TMEM170B: variants seen among roughly 807,000 people sequenced by gnomAD.
The protein encoded by TMEM170B is transmembrane protein 170B.
In TMEM170B, 6 loss-of-function variants were observed where a neutral mutation model predicts 13.0. The observed-to-expected ratio is 0.46, with a 90% CI of 0.25 to 0.91. The LOEUF (loss-of-function observed/expected upper bound fraction) is 0.91, where lower values mean the gene tolerates loss of function less well. Among genes scored for constraint, TMEM170B ranks in the 40% least tolerant of loss-of-function variants. The pLI, the probability that TMEM170B is intolerant of heterozygous loss-of-function variation, is 0.17. For missense variants in TMEM170B, 138 were observed against 165.2 expected, an observed-to-expected ratio of 0.84 and a Z score of 0.90; for synonymous variants, 61 against 64.9, an observed-to-expected ratio of 0.94 and a Z score of 0.29.
At chr6:11,571,327 A>G (rs1759798850) in intron 2 of TMEM170B, among the ~76,000 whole-genome samples, 1 of 152,142 alleles carries the variant, frequency 6.6e-6, no homozygotes, top group Non-Finnish European at 1.5e-5. Flanking sequence ...CTAGGACCAC[A>G]GGCTATCATT....
intron 1 of TMEM170B, among the ~76,000 whole-genome samples, chr6:11,559,152 CAT>C (rs1224843394): frequency 1.3e-4 from 19 of 151,522 alleles, no homozygotes; most frequent in African/African-American, 4.6e-4. Flanking sequence ...ATGATTTTTA[CAT>C]GTCACAAATT....
chr6:11,559,877 C>G (rs912563286), intron 1 of TMEM170B, among the ~76,000 whole-genome samples: 1 of 151,716 alleles, frequency 6.6e-6, no homozygotes, highest in Non-Finnish European at 1.5e-5. Context: ...AGCTTGATTT[C>G]TAGAATGTTT....
chr6:11,569,232 T>G (rs981461543), intron 2 of TMEM170B, among the ~76,000 whole-genome samples: 1 of 152,154 alleles, frequency 6.6e-6, no homozygotes, highest in African/African-American at 2.4e-5. Flanking sequence ...TTGCAAATAA[T>G]TTATCTCAGT....
chr6:11,559,721 T>G (rs751003200), intron 1 of TMEM170B, among the ~76,000 whole-genome samples: 3 of 152,174 alleles, frequency 2.0e-5, no homozygotes, highest in African/African-American at 7.2e-5. Flanking sequence ...GTTCTACACT[T>G]CAGATTTGTT....
At chr6:11,557,650 G>C (rs551991205) in intron 1 of TMEM170B, among the ~76,000 whole-genome samples, 1 of 152,062 alleles carries the variant, frequency 6.6e-6, no homozygotes, top group Non-Finnish European at 1.5e-5. Flanking sequence ...CTTCTCACCA[G>C]TGTTTGAACA....
intron 1 of TMEM170B, among the ~76,000 whole-genome samples, chr6:11,546,601 T>C (rs1313803807): frequency 2.6e-5 from 4 of 152,186 alleles, no homozygotes; most frequent in Admixed American, 2.0e-4. Context: ...ATTCATTTTT[T>C]AATCTTTTAT....
rs1172178696 is a variant in TMEM170B at position 11,577,084 on chromosome 6, T to C, written c.*1523T>C. On this transcript the variant is annotated 3_prime_UTR_variant, in exon 3 of 3. Coordinates refer to ENST00000379426, the MANE Select transcript of TMEM170B (RefSeq NM_001100829.3). ...GGTAGCCTTGCTGTTTAATCCAATTTGCTATAAAAGTAGGCCTTTGTTATA... is the reference window on the plus strand; with the variant it reads ...GGTAGCCTTGCTGTTTAATCCAATTCGCTATAAAAGTAGGCCTTTGTTATA... The C allele has an allele frequency of 6.6e-6, 1 of 152,146 alleles. No homozygotes were observed. The highest frequency in any genetic ancestry group is 2.4e-5 in the African/African-American group (1 of 41,458). 9.4% of individuals were successfully genotyped at this position (152,146 alleles called of 1,614,324 possible). A position where few individuals can be genotyped will look rare whatever the true frequency, so the allele number is the denominator to read the frequency against.
chr6:11,552,206 T>C (rs1054608282), intron 1 of TMEM170B, among the ~76,000 whole-genome samples: 6 of 152,236 alleles, frequency 3.9e-5, no homozygotes, highest in Admixed American at 3.9e-4. Flanking sequence ...AATTTATAGC[T>C]ATCTTAACGA....
intron 1 of TMEM170B, among the ~76,000 whole-genome samples, chr6:11,561,585 C>G (rs1759666062): frequency 6.6e-6 from 1 of 152,036 alleles, no homozygotes; most frequent in Admixed American, 6.5e-5. Context: ...TCTTTAGGGT[C>G]CCTGTTCACT....
In TMEM170B at chr6:11,578,055, T is replaced by C. The variant is rs1270719297; in HGVS notation, c.*2494T>C. ...ACGTATATATCATTATATAGGTATA[T>C]AGAGAGCTGCTATATATGAATACAG... On this transcript the variant is annotated 3_prime_UTR_variant, in exon 3 of 3. Coordinates refer to ENST00000379426, the MANE Select transcript of TMEM170B (RefSeq NM_001100829.3). 2.0e-5 allele frequency: 3 copies of C among 152,162 alleles called. No homozygotes were observed. The highest frequency in any genetic ancestry group is 4.4e-5 in the Non-Finnish European group (3 of 67,984). The allele number at this position is 152,162 out of a possible 1,614,324, so 9.4% of individuals were successfully genotyped here.
rs1386762219 is a variant in TMEM170B, at chr6:11,576,168, G to A, written c.*607G>A. The A allele has an allele frequency of 2.0e-5, 3 of 152,196 alleles. No homozygotes were observed. Among genetic ancestry groups the A allele is most frequent in the Admixed American group, 2.0e-4 (3 of 15,250 alleles). The allele number at this position is 152,196 out of a possible 1,614,324, so 9.4% of individuals were successfully genotyped here. On this transcript the variant is annotated 3_prime_UTR_variant, in exon 3 of 3. Coordinates refer to ENST00000379426, the MANE Select transcript of TMEM170B (RefSeq NM_001100829.3). Reference sequence around the variant, plus strand: ...GTATTATTGTTATTTAATTGATGTGGAAGATAAGTCTTCTTAACTGAAGAC... The same window carrying A: ...GTATTATTGTTATTTAATTGATGTGAAAGATAAGTCTTCTTAACTGAAGAC...
rs1431586463 is a variant in TMEM170B, at chr6:11,575,686, G to A, written c.*125G>A. 5.0e-6 allele frequency: 6 copies of A among 1,200,078 alleles called. No individual in the cohort carries two copies. The highest frequency in any genetic ancestry group is 7.1e-6 in the Non-Finnish European group (6 of 843,568). The allele number at this position is 1,200,078 out of a possible 1,614,324, so 74.3% of individuals were successfully genotyped here. A position where few individuals can be genotyped will look rare whatever the true frequency, so the allele number is the denominator to read the frequency against. The stretch of plus-strand genomic sequence containing the variant: ...TGGACTGAGCAGGTCAAAGCATAAG[G>A]AAGACCTTGAGCTGTGTGGAAGGAT... On this transcript the variant is annotated 3_prime_UTR_variant, in exon 3 of 3. Coordinates refer to ENST00000379426, the MANE Select transcript of TMEM170B (RefSeq NM_001100829.3). The surrounding 1 kb of genome is among the most constrained non-coding windows in gnomAD (Gnocchi z 4.1).
At chr6:11,567,463 TC>T (rs879804764) in intron 2 of TMEM170B, among the ~76,000 whole-genome samples, 9 of 152,166 alleles carry the variant, frequency 5.9e-5, no homozygotes, top group Non-Finnish European at 1.2e-4. Flanking sequence ...TGCAAGGGAT[TC>T]CCTTCTTTAC....
At position 11,545,737 on chromosome 6, in the gene TMEM170B, T is replaced by TA. The variant is rs60136980; in HGVS notation, c.97+7373dup. On this transcript the variant is annotated intron_variant, in intron 1 of 2. Coordinates refer to ENST00000379426, the MANE Select transcript of TMEM170B (RefSeq NM_001100829.3). ...ATTTTAGAATGTACCCCTACTTGTT[T>TA]AAAAAAAAAAGCTGAATCCCAGCAC... 1.0e-2 allele frequency among the ~76,000 whole-genome samples: 1,473 copies of TA among 147,362 alleles called. 11 individuals carry two copies. Among genetic ancestry groups the TA allele is most frequent in the Middle Eastern group, 0.024 (7 of 288 alleles).
rs1222024504 is a variant in TMEM170B, at chr6:11,545,278, C to CTGTG, written c.97+6905_97+6906insGTGT. On this transcript the variant is annotated intron_variant, in intron 1 of 2. Transcript: ENST00000379426. ...GGTTAAAAGGCTTCTCTCTCTCTCTCTCTGTGTGTGTGTGTGTGTGTGTGT... is the reference window on the plus strand; with the variant it reads ...GGTTAAAAGGCTTCTCTCTCTCTCTCTGTGTCTGTGTGTGTGTGTGTGTGTGTGT... Among the ~76,000 whole-genome samples, 7 of 89,744 alleles carry CTGTG rather than the reference C, an allele frequency of 7.8e-5. No homozygotes were observed. The East Asian group carries it at 1.5e-3, about 19-fold the overall frequency. 58.9% of individuals were successfully genotyped at this position (89,744 alleles called of 152,430 possible).
chr6:11,569,709 C>A (rs1759776410), intron 2 of TMEM170B, among the ~76,000 whole-genome samples: 1 of 152,082 alleles, frequency 6.6e-6, no homozygotes, highest in African/African-American at 2.4e-5. Flanking sequence ...AGATAGGATT[C>A]TATGTGTTTT....
At chr6:11,556,336 T>C (rs997432409) in intron 1 of TMEM170B, among the ~76,000 whole-genome samples, 2 of 152,198 alleles carry the variant, frequency 1.3e-5, no homozygotes, top group African/African-American at 2.4e-5. Context: ...TTCTGTAAGG[T>C]TGCTGTTGTT....
chr6:11,566,451 A>G (rs1759733732), intron 2 of TMEM170B, among the ~76,000 whole-genome samples: 1 of 152,266 alleles, frequency 6.6e-6, no homozygotes, highest in Non-Finnish European at 1.5e-5. Context: ...CTTGACTTCA[A>G]AGAATTAGTT....
Position 11,577,614 on chromosome 6 carries a change from A to T in TMEM170B, c.*2053A>T, listed in dbSNP as rs1440722869. ...GATTTAAGAAAGTTATGGTAAAGTAATATGGAGCATGATTCATAATCCAAA... is the reference window on the plus strand; with the variant it reads ...GATTTAAGAAAGTTATGGTAAAGTATTATGGAGCATGATTCATAATCCAAA... On this transcript the variant is annotated 3_prime_UTR_variant, in exon 3 of 3. Coordinates refer to ENST00000379426, the MANE Select transcript of TMEM170B (RefSeq NM_001100829.3). 6.6e-6 allele frequency: 1 copy of T among 152,140 alleles called. No homozygotes were observed. Among genetic ancestry groups the T allele is most frequent in the Non-Finnish European group, 1.5e-5 (1 of 67,962 alleles). The allele number at this position is 152,140 out of a possible 1,614,324, so 9.4% of individuals were successfully genotyped here. A position where few individuals can be genotyped will look rare whatever the true frequency, so the allele number is the denominator to read the frequency against.
Sources: gnomAD v4.1 joint callset for allele counts (sites outside exome capture counted in the v4.1 genomes callset) on GRCh38, gnomAD v4.1.1 for gene constraint, Gnocchi (gnomAD v3.1) non-coding constraint, MANE v1.5 for transcripts, NCBI Gene and HGNC (gene_info 2026-07-23, HGNC 2026-07-21) for gene names.